CTNNA3: variants seen among roughly 807,000 people sequenced by gnomAD.
CTNNA3 encodes the protein catenin alpha-3.
CTNNA3 carries 76 observed loss-of-function variants against 95.7 expected under a neutral mutation model. That is an observed-to-expected ratio of 0.79 (90% CI 0.66 to 0.96). CTNNA3 has a LOEUF of 0.96. Ranked by LOEUF, CTNNA3 falls within the 40% of genes least tolerant of loss-of-function variation. The pLI is 0.00. For synonymous variants in CTNNA3, 431 were observed against 374.4 expected (o/e 1.15, Z -1.74); for missense variants, 1,191 against 1,089.8 (o/e 1.09, Z -1.31).
chr10:67,685,769 C>T (rs1003953652), intron 1 of CTNNA3, among the ~76,000 whole-genome samples: 1 of 152,086 alleles, frequency 6.6e-6, no homozygotes, highest in Non-Finnish European at 1.5e-5. Flanking sequence ...CTCTCTCTTT[C>T]TCCCTCTTTG....
intron 11 of CTNNA3, among the ~76,000 whole-genome samples, chr10:66,455,283 TA>T (rs1833500761): frequency 6.6e-6 from 1 of 152,146 alleles, no homozygotes; most frequent in Admixed American, 6.6e-5. Context: ...TTTTAAAATA[TA>T]AGAAATAAAA....
At chr10:66,417,079 T>C (rs996099922) in intron 11 of CTNNA3, among the ~76,000 whole-genome samples, 1 of 151,990 alleles carries the variant, frequency 6.6e-6, no homozygotes, top group Non-Finnish European at 1.5e-5. Context: ...ATTCTTCACT[T>C]AAAAGCTATA....
chr10:66,180,153 G>T (rs1249985399), intron 13 of CTNNA3, among the ~76,000 whole-genome samples: 1 of 152,078 alleles, frequency 6.6e-6, no homozygotes, highest in Non-Finnish European at 1.5e-5. Context: ...AAGTGTGTGT[G>T]CACACAGATA....
intron 13 of CTNNA3, among the ~76,000 whole-genome samples, chr10:66,254,046 G>T (rs748944011): frequency 2.2e-4 from 34 of 152,160 alleles, no homozygotes; most frequent in Non-Finnish European, 4.7e-4. Context: ...TGGAGCCTCA[G>T]ATGCCTTCTC....
intron 1 of CTNNA3, among the ~76,000 whole-genome samples, chr10:67,748,017 T>C (rs1230806644): frequency 6.6e-6 from 1 of 152,152 alleles, no homozygotes; most frequent in Non-Finnish European, 1.5e-5. Context: ...GCTTGAAGAC[T>C]TTCTTGCTGA....
chr10:67,571,420 C>T (rs1348935211), intron 3 of CTNNA3, among the ~76,000 whole-genome samples: 7 of 152,098 alleles, frequency 4.6e-5, no homozygotes, highest in Admixed American at 3.9e-4. Flanking sequence ...CAGCCTCAAA[C>T]TGTGATCCTT....
In CTNNA3 at chr10:67,224,456, T is replaced by C. The variant is rs148154635; in HGVS notation, c.580-4586A>G. 9.6e-3 allele frequency among the ~76,000 whole-genome samples: 1,465 copies of C among 152,270 alleles called. 14 individuals carry two copies. The highest frequency in any genetic ancestry group is 0.022 in the African/African-American group (908 of 41,554). Reference sequence around the variant, plus strand: ...TGAATCTTAAACAGTGAGTAGAAGTTATCCCTATGAGGGAGGACCCACAGA... The same window carrying C: ...TGAATCTTAAACAGTGAGTAGAAGTCATCCCTATGAGGGAGGACCCACAGA... On this transcript the variant is annotated intron_variant, in intron 5 of 17. Coordinates refer to ENST00000433211, the MANE Select transcript of CTNNA3 (RefSeq NM_013266.4).
intron 13 of CTNNA3, among the ~76,000 whole-genome samples, chr10:66,136,638 T>C (rs1375810798): frequency 3.9e-5 from 6 of 152,174 alleles, no homozygotes; most frequent in Non-Finnish European, 1.5e-5. Context: ...TTGCCAATTC[T>C]TGCAATGTAA....
chr10:67,413,262 G>A (rs1564633571), intron 5 of CTNNA3, among the ~76,000 whole-genome samples: 1 of 152,038 alleles, frequency 6.6e-6, no homozygotes, highest in East Asian at 1.9e-4. Flanking sequence ...CATTCTTCAT[G>A]TTTCATCATT....
chr10:67,390,187 A>T (rs1040028036), intron 5 of CTNNA3, among the ~76,000 whole-genome samples: 6 of 152,212 alleles, frequency 3.9e-5, no homozygotes, highest in Admixed American at 1.3e-4. Flanking sequence ...AAAAGAGAAG[A>T]ATCAAATAGA....
intron 9 of CTNNA3, among the ~76,000 whole-genome samples, chr10:66,764,507 A>C (rs949739302): frequency 6.6e-6 from 1 of 152,212 alleles, no homozygotes; most frequent in African/African-American, 2.4e-5. Context: ...TTTTCTGAGA[A>C]TTGTTCGACC....
intron 17 of CTNNA3, among the ~76,000 whole-genome samples, chr10:65,934,797 G>T (rs1224180151): frequency 1.3e-5 from 2 of 152,080 alleles, no homozygotes; most frequent in Admixed American, 6.6e-5. Context: ...ATAAGTAAAA[G>T]ATCTTGGGCA....
intron 11 of CTNNA3, among the ~76,000 whole-genome samples, chr10:66,460,368 T>C (rs2093520945): frequency 6.6e-6 from 1 of 152,202 alleles, no homozygotes; most frequent in Non-Finnish European, 1.5e-5. Flanking sequence ...AACTGGTGCA[T>C]TGACCTATAT....
intron 10 of CTNNA3, among the ~76,000 whole-genome samples, chr10:66,607,472 C>CAAAAAAAAAAAAAAAA (rs574854850): frequency 2.9e-4 from 13 of 45,282 alleles, no homozygotes; most frequent in South Asian, 1.1e-3. Context: ...CAGAGACAAC[C>CAAAAAAAAAAAAAAAA]AAAAAAAAAA....
intron 12 of CTNNA3, among the ~76,000 whole-genome samples, chr10:66,307,128 A>G (rs546849975): frequency 1.3e-5 from 2 of 152,186 alleles, no homozygotes; most frequent in Admixed American, 6.5e-5. Flanking sequence ...AAGTTATATA[A>G]CTAGTACAGA....
chr10:66,302,618 T>C (rs1398008919), intron 12 of CTNNA3, among the ~76,000 whole-genome samples: 1 of 152,144 alleles, frequency 6.6e-6, no homozygotes, highest in African/African-American at 2.4e-5. Context: ...GCACCAATGC[T>C]AATTAATTAG....
chr10:67,408,882 CA>C (rs766212790), intron 5 of CTNNA3, among the ~76,000 whole-genome samples: 1,158 of 97,218 alleles, frequency 0.012, 14 homozygotes, highest in African/African-American at 0.039. Flanking sequence ...CTTAAATTTA[CA>C]AAAAAAAAAA....
At chr10:67,751,371 T>C (rs548609927) in intron 1 of CTNNA3, 19 of 599,258 alleles carry the variant, frequency 3.2e-5, no homozygotes, top group Admixed American at 2.9e-4. Context: ...ATCAAGGTGC[T>C]GTTTTAGACA....
intron 7 of CTNNA3, among the ~76,000 whole-genome samples, chr10:66,962,433 CAG>C (rs1476097681): frequency 2.7e-5 from 4 of 149,118 alleles, no homozygotes; most frequent in Non-Finnish European, 4.4e-5. Context: ...TTTTTTGAGA[CAG>C]AGTCTCACTC....
Sources: allele counts gnomAD v4.1 joint callset (sites outside exome capture counted in the v4.1 genomes callset), GRCh38; gene constraint gnomAD v4.1.1; transcripts MANE v1.5; gene names NCBI Gene and HGNC (gene_info 2026-07-23, HGNC 2026-07-21).